ZNF365: variants seen among roughly 807,000 people sequenced by gnomAD.
ZNF365 encodes the protein protein ZNF365.
Under a neutral mutation model 35.0 loss-of-function variants are expected in ZNF365, and 22 were observed. That is an observed-to-expected ratio of 0.63 (90% CI 0.45 to 0.90). ZNF365 has a LOEUF of 0.90. Among genes scored for constraint, ZNF365 ranks in the 40% least tolerant of loss-of-function variants. ZNF365 has a pLI of 0.00. For missense variants in ZNF365, 448 were observed against 500.3 expected (o/e 0.90, Z 1.00); for synonymous variants, 188 against 196.2 (o/e 0.96, Z 0.35).
chr10:62,468,619 C>T (rs116462434), intron 4 of ZNF365, among the ~76,000 whole-genome samples: 1 of 152,126 alleles, frequency 6.6e-6, no homozygotes, highest in African/African-American at 2.4e-5. Flanking sequence ...AATGCCCCCC[C>T]AGATTAGCAG....
At chr10:62,389,482 A>G (rs992249985) in intron 3 of ZNF365, among the ~76,000 whole-genome samples, 3 of 150,960 alleles carry the variant, frequency 2.0e-5, no homozygotes, top group Non-Finnish European at 4.4e-5. Context: ...AATGGGCTCT[A>G]TTATAAGGAA....
Position 62,452,289 on chromosome 10 carries a change from A to G in ZNF365, c.925-7452A>G, listed in dbSNP as rs557476894. On this transcript the variant is annotated intron_variant, in intron 3 of 4. Transcript: ENST00000395255. ...TCAGCCTCTCCAGTGATGGCCAGGC[A>G]TGGTCAGAACAGAGAGGAAAGGCCA... 1.2e-4 allele frequency among the ~76,000 whole-genome samples: 18 copies of G among 152,310 alleles called. No homozygotes were observed. In the South Asian group the frequency reaches 3.5e-3, roughly 30 times the overall value.
intron 3 of ZNF365, among the ~76,000 whole-genome samples, chr10:62,435,714 C>A (rs1279460747): frequency 1.3e-5 from 2 of 152,106 alleles, no homozygotes; most frequent in Non-Finnish European, 2.9e-5. Flanking sequence ...ATTATTTTTA[C>A]CATGGATATT....
chr10:62,402,555 A>G, downstream of ZNF365: 1 of 651,064 alleles, frequency 1.5e-6, no homozygotes, highest in Non-Finnish European at 1.9e-6. Flanking sequence ...TGTTCATCAT[A>G]CATATAATCA....
intron 3 of ZNF365, among the ~76,000 whole-genome samples, chr10:62,395,833 A>G (rs907455460): frequency 1.3e-5 from 2 of 152,160 alleles, no homozygotes; most frequent in South Asian, 4.1e-4. Flanking sequence ...TCTGGTCCCA[A>G]GCATTTTGGA....
chr10:62,435,913 T>A (rs1477871988), intron 3 of ZNF365, among the ~76,000 whole-genome samples: 2 of 152,178 alleles, frequency 1.3e-5, no homozygotes, highest in East Asian at 3.8e-4. Context: ...TATTTCAGCA[T>A]TGGTGCAAAA....
chr10:62,399,509 CCCCTCCAA>C lies in ZNF365; in HGVS notation c.963-13_963-6del. 1 of 1,610,042 alleles carries C rather than the reference CCCCTCCAA, an allele frequency of 6.2e-7. No homozygotes were observed. Among genetic ancestry groups the C allele is most frequent in the Non-Finnish European group, 8.5e-7 (1 of 1,177,398 alleles). ...TTTCTGCTCATCTCTTCTCCACTCC[CCCCTCCAA>C]CCCTCTGTAGAAGCCGAGGGCACCC... On this transcript the variant is annotated splice_polypyrimidine_tract_variant and intron_variant, in intron 4 of 4. Coordinates refer to ENST00000395254, the MANE Select transcript of ZNF365 (RefSeq NM_014951.3).
At chr10:62,409,248 A>C (rs947374410) in intron 3 of ZNF365, among the ~76,000 whole-genome samples, 2 of 152,098 alleles carry the variant, frequency 1.3e-5, no homozygotes, top group Non-Finnish European at 2.9e-5. Context: ...CAGTTGCCTG[A>C]GGTATTGGCA....
In ZNF365 at chr10:62,376,724, G is replaced by C; in HGVS notation, c.531G>C (p.Glu177Asp). ...RMVEAVDRTI[E>D]KRIDKLTKEL... ...TTGAGGCTGTGGATAGGACCATTGAGAAGAGAATTGATAAACTCACCAAAG... is the reference window on the plus strand; with the variant it reads ...TTGAGGCTGTGGATAGGACCATTGACAAGAGAATTGATAAACTCACCAAAG... The change falls in exon 2 of 5, where the codon GAG (glutamate) becomes GAC (aspartate). Residue 177 changes from glutamate (E) to aspartate (D), a missense_variant. Physicochemically the swap from Glu to Asp is conservative, Grantham distance 45 (BLOSUM62 2). Around this residue, in one of 3 missense-constraint regions of ZNF365, gnomAD observed 362 missense variants for 375.7 expected, o/e 0.96. Transcript: ENST00000395254. 1 of 1,614,220 alleles carries C rather than the reference G, an allele frequency of 6.2e-7. No homozygotes were observed. Among genetic ancestry groups the C allele is most frequent in the Non-Finnish European group, 8.5e-7 (1 of 1,180,048 alleles).
chr10:62,476,491 T>C (rs1564605051), intron 4 of ZNF365, among the ~76,000 whole-genome samples: 1 of 152,256 alleles, frequency 6.6e-6, no homozygotes, highest in Non-Finnish European at 1.5e-5. Context: ...AGCTCTGAAA[T>C]TTACTGTACA....
intron 3 of ZNF365, among the ~76,000 whole-genome samples, chr10:62,418,899 T>TATAATTTC (rs1840122127): frequency 4.5e-5 from 1 of 22,374 alleles, no homozygotes; most frequent in African/African-American, 1.1e-4. Context: ...GCCAATGTGG[T>TATAATTTC]GTGATGACTT....
downstream of ZNF365, among the ~76,000 whole-genome samples, chr10:62,407,360 G>C (rs1184226195): frequency 6.6e-6 from 1 of 152,094 alleles, no homozygotes; most frequent in Non-Finnish European, 1.5e-5. Context: ...AAAACATTAA[G>C]CTTTTCCTTT....
intron 4 of ZNF365, among the ~76,000 whole-genome samples, chr10:62,467,352 A>G (rs1363950761): frequency 6.6e-6 from 1 of 152,174 alleles, no homozygotes; most frequent in African/African-American, 2.4e-5. Context: ...AAGAAGTGAA[A>G]ACTGGCTGTG....
chr10:62,396,848 C>T (rs1839736376), intron 3 of ZNF365, among the ~76,000 whole-genome samples: 1 of 152,034 alleles, frequency 6.6e-6, no homozygotes, highest in South Asian at 2.1e-4. Context: ...CACTTACATA[C>T]ATACAAACGG....
intron 2 of ZNF365, among the ~76,000 whole-genome samples, chr10:62,380,355 C>G (rs374090155): frequency 1.3e-5 from 2 of 152,320 alleles, no homozygotes; most frequent in South Asian, 2.1e-4. Flanking sequence ...AATATATTTT[C>G]CTTATGATTA....
intron 3 of ZNF365, among the ~76,000 whole-genome samples, chr10:62,430,641 G>T (rs1407203190): frequency 6.6e-6 from 1 of 152,128 alleles, no homozygotes; most frequent in Non-Finnish European, 1.5e-5. Flanking sequence ...AACAGGAAAT[G>T]GTATTTTGGT....
intron 4 of ZNF365, 45 bp from the exon 5 acceptor site, chr10:62,399,483 C>T (rs757728053): frequency 2.3e-5 from 37 of 1,593,156 alleles, no homozygotes; most frequent in Non-Finnish European, 3.1e-5. Context: ...AGAAATCTTT[C>T]TTTCTGCTCA....
exon 5 of ZNF365, chr10:62,480,275 T>C (rs1841201778): frequency 1.0e-6 from 1 of 995,704 alleles, no homozygotes; most frequent in Non-Finnish European, 1.2e-6. Context: ...TAAAAAATAG[T>C]TATTGAGTAA....
intron 4 of ZNF365, among the ~76,000 whole-genome samples, chr10:62,478,945 C>T (rs182973832): frequency 3.9e-4 from 59 of 152,320 alleles, no homozygotes; most frequent in Non-Finnish European, 6.8e-4. Flanking sequence ...TAGTACAATG[C>T]TTTAAAAAAC....
Sources: gnomAD v4.1 joint callset for allele counts (sites outside exome capture counted in the v4.1 genomes callset) on GRCh38, gnomAD v4.1.1 for gene constraint, gnomAD v4.1.1 regional missense constraint, MANE v1.5 for transcripts, NCBI Gene and HGNC (gene_info 2026-07-23, HGNC 2026-07-21) for gene names.